The following CRISP1 variants were observed in gnomAD, a reference collection of about 807,000 sequenced individuals.
CRISP1 encodes the protein cysteine-rich secretory protein 1.
Under a neutral mutation model 33.1 loss-of-function variants are expected in CRISP1, and 44 were observed. That is an observed-to-expected ratio of 1.33 (90% CI 1.05 to 1.71). The LOEUF (loss-of-function observed/expected upper bound fraction) is 1.71. Among genes scored for constraint, CRISP1 ranks in the 40% most tolerant of loss-of-function variants. The pLI is 0.00. For synonymous variants in CRISP1, 103 were observed against 98.7 expected (o/e 1.04, Z -0.26); for missense variants, 390 against 301.2 (o/e 1.29, Z -2.18).
intron 7 of CRISP1, among the ~76,000 whole-genome samples, chr6:49,836,322 T>C (rs1247180412): frequency 6.6e-6 from 1 of 150,458 alleles, no homozygotes; most frequent in Non-Finnish European, 1.5e-5. Context: ...TTATAAATTT[T>C]ATTTTTATTT....
chr6:49,840,042 T>G (rs186923664), intron 6 of CRISP1, among the ~76,000 whole-genome samples: 10 of 152,244 alleles, frequency 6.6e-5, no homozygotes, highest in African/African-American at 2.2e-4. Context: ...GAAAGACTTA[T>G]GTGTTAATCT....
intron 5 of CRISP1, among the ~76,000 whole-genome samples, chr6:49,844,056 G>A (rs1166911280): frequency 1.3e-5 from 2 of 152,130 alleles, no homozygotes; most frequent in East Asian, 1.9e-4. Flanking sequence ...AGGAGAGCAA[G>A]CAATTGAAGA....
chr6:49,839,776 T>A (rs1179642721), intron 6 of CRISP1, among the ~76,000 whole-genome samples: 1 of 152,184 alleles, frequency 6.6e-6, no homozygotes, highest in African/African-American at 2.4e-5. Context: ...AAAACATGTA[T>A]CACAAATGAT....
intron 3 of CRISP1, among the ~76,000 whole-genome samples, chr6:49,850,757 T>C (rs774815693): frequency 6.6e-6 from 1 of 152,186 alleles, no homozygotes; most frequent in Non-Finnish European, 1.5e-5. Flanking sequence ...TTTTCTGTAT[T>C]TGCCTTTCAT....
At chr6:49,842,566 G>A (rs1771028920) in intron 5 of CRISP1, among the ~76,000 whole-genome samples, 1 of 152,162 alleles carries the variant, frequency 6.6e-6, no homozygotes, top group Non-Finnish European at 1.5e-5. Context: ...GTCGGAAAAT[G>A]TCTGGAAAAG....
At position 49,851,959 on chromosome 6, in the gene CRISP1, A is replaced by G. The variant is rs6915063; in HGVS notation, c.195+42T>C. 2,072 of 1,579,574 alleles carry G rather than the reference A, an allele frequency of 1.3e-3. 25 individuals are homozygous for G. The African/African-American group carries it at 0.026, about 20-fold the overall frequency. Reference sequence around the variant, plus strand: ...TTAATAAAACTCAGTAAACACCATTACTATTATTGCAATCATGGTTGTTGC... The same window carrying G: ...TTAATAAAACTCAGTAAACACCATTGCTATTATTGCAATCATGGTTGTTGC... On this transcript the variant is annotated intron_variant, in intron 3 of 7. Transcript: ENST00000335847.
At chr6:49,838,004 A>G (rs12204917) in intron 7 of CRISP1, among the ~76,000 whole-genome samples, 14,710 of 152,162 alleles carry the variant, frequency 0.097, 996 homozygotes, top group Non-Finnish European at 0.15. Flanking sequence ...TAAAAATTGC[A>G]TGCCACAATA....
chr6:49,867,481 T>G (rs1271190538), upstream of CRISP1, among the ~76,000 whole-genome samples: 3 of 152,056 alleles, frequency 2.0e-5, no homozygotes, highest in African/African-American at 7.2e-5. Flanking sequence ...AAAGGGCAAT[T>G]GAATATCTAA....
chr6:49,841,317 AT>A (rs1239979214), intron 5 of CRISP1, among the ~76,000 whole-genome samples: 1 of 152,154 alleles, frequency 6.6e-6, no homozygotes, highest in Non-Finnish European at 1.5e-5. Context: ...GTAATTTCTA[AT>A]TTTAACAAAA....
At chr6:49,846,765 T>A in intron 4 of CRISP1, 97 bp from the exon 5 acceptor site, 1 of 1,174,390 alleles carries the variant, frequency 8.5e-7, no homozygotes, top group Non-Finnish European at 1.2e-6. Flanking sequence ...GGTTCACTGA[T>A]CATCTTGACA....
At chr6:49,871,978 G>T (rs1036489640) in intron 1 of CRISP1, among the ~76,000 whole-genome samples, 64 of 152,218 alleles carry the variant, frequency 4.2e-4, no homozygotes, top group South Asian at 1.5e-3. Context: ...TCGCCACACT[G>T]ACTTCCACAA....
chr6:49,869,301 G>T (rs115019548), upstream of CRISP1, among the ~76,000 whole-genome samples: 3,251 of 152,226 alleles, frequency 0.021, 51 homozygotes, highest in Non-Finnish European at 0.03. Flanking sequence ...TTGCTCTCCA[G>T]ATTGGCCTTT....
chr6:49,834,432 C>T lies in CRISP1; in HGVS notation c.*884G>A, dbSNP rs967692867. 1 of 152,004 alleles carries T rather than the reference C, an allele frequency of 6.6e-6. No individual in the cohort carries two copies. Among genetic ancestry groups the T allele is most frequent in the Non-Finnish European group, 1.5e-5 (1 of 67,982 alleles). The allele number at this position is 152,004 out of a possible 1,614,324, so 9.4% of individuals were successfully genotyped here. A position where few individuals can be genotyped will look rare whatever the true frequency, so the allele number is the denominator to read the frequency against. ...CTTCAGTGCATTTTACGTTAGTTGGCCTTAACTGTGCTCTTCCATTGTGTT... is the reference window on the plus strand; with the variant it reads ...CTTCAGTGCATTTTACGTTAGTTGGTCTTAACTGTGCTCTTCCATTGTGTT... On this transcript the variant is annotated 3_prime_UTR_variant, in exon 8 of 8. Coordinates refer to ENST00000335847, the MANE Select transcript of CRISP1 (RefSeq NM_001131.3).
intron 5 of CRISP1, among the ~76,000 whole-genome samples, chr6:49,843,476 A>G (rs796845612): frequency 2.6e-5 from 4 of 152,316 alleles, no homozygotes; most frequent in African/African-American, 9.6e-5. Context: ...ACATGTGAGA[A>G]CATAGTGAAA....
intron 6 of CRISP1, 62 bp downstream of exon 6, chr6:49,840,836 T>C (rs1770961217): frequency 1.5e-6 from 2 of 1,321,448 alleles, no homozygotes; most frequent in Non-Finnish European, 1.1e-6. Context: ...AAAAACAATG[T>C]TTGAAAAACT....
intron 5 of CRISP1, among the ~76,000 whole-genome samples, chr6:49,842,742 C>T (rs189414750): frequency 6.6e-6 from 1 of 152,192 alleles, no homozygotes; most frequent in East Asian, 1.9e-4. Context: ...AAATGAAGTT[C>T]CCATCTCTCA....
chr6:49,860,043 G>A (rs1476829436), intron 1 of CRISP1, among the ~76,000 whole-genome samples: 2 of 152,014 alleles, frequency 1.3e-5, no homozygotes, highest in East Asian at 3.9e-4. Context: ...ATTATGTAAT[G>A]AAAAAGGGAT....
At chr6:49,863,255 C>A (rs761511836) in intron 1 of CRISP1, among the ~76,000 whole-genome samples, 8 of 152,118 alleles carry the variant, frequency 5.3e-5, no homozygotes, top group Non-Finnish European at 8.8e-5. Flanking sequence ...AGATACTAAG[C>A]CCTAGTCCAA....
chr6:49,874,922 A>T (rs928656256), intron 1 of CRISP1, among the ~76,000 whole-genome samples: 3 of 152,072 alleles, frequency 2.0e-5, no homozygotes, highest in Non-Finnish European at 2.9e-5. Flanking sequence ...AAATAATAAG[A>T]GCCATATATG....
Sources: allele counts gnomAD v4.1 joint callset (sites outside exome capture counted in the v4.1 genomes callset), GRCh38; gene constraint gnomAD v4.1.1; transcripts MANE v1.5; gene names NCBI Gene and HGNC (gene_info 2026-07-23, HGNC 2026-07-21).